The following DOCK2 variants were observed in gnomAD, a reference collection of about 807,000 sequenced individuals.
DOCK2 encodes the protein dedicator of cytokinesis 2.
DOCK2 carries 87 observed loss-of-function variants against 248.9 expected under a neutral mutation model. The observed-to-expected ratio is 0.35, with a 90% CI of 0.29 to 0.42. DOCK2 has a LOEUF of 0.42. Among genes scored for constraint, DOCK2 ranks in the 10% least tolerant of loss-of-function variants. The pLI, the probability that DOCK2 is intolerant of heterozygous loss-of-function variation, is 1.00. For synonymous variants in DOCK2, 805 were observed against 821.6 expected (o/e 0.98, Z 0.35); for missense variants, 1,747 against 2,300.2 (o/e 0.76, Z 4.92).
At chr5:170,022,669 G>A (rs556660087) in intron 33 of DOCK2, among the ~76,000 whole-genome samples, 9 of 152,202 alleles carry the variant, frequency 5.9e-5, no homozygotes, top group African/African-American at 9.6e-5. Context: ...AGAATGAAAC[G>A]TATCCTATCC....
intron 27 of DOCK2, among the ~76,000 whole-genome samples, chr5:169,950,654 A>G (rs541575375): frequency 2.0e-5 from 3 of 152,154 alleles, no homozygotes; most frequent in Non-Finnish European, 4.4e-5. Context: ...CTTTTCCCCT[A>G]TGAAGTATTT....
chr5:169,878,920 A>T (rs1772476937), intron 27 of DOCK2, among the ~76,000 whole-genome samples: 1 of 152,180 alleles, frequency 6.6e-6, no homozygotes, highest in Non-Finnish European at 1.5e-5. Flanking sequence ...CCATGGATAG[A>T]ATCTCTAGGC....
At chr5:169,861,665 A>G (rs1399880658) in intron 27 of DOCK2, among the ~76,000 whole-genome samples, 3 of 152,242 alleles carry the variant, frequency 2.0e-5, no homozygotes, top group Non-Finnish European at 2.9e-5. Flanking sequence ...TGATTTTCAC[A>G]TGAATAAGTG....
chr5:169,717,247 A>G, intron 20 of DOCK2, 137 bp from the exon 21 acceptor site: 1 of 658,422 alleles, frequency 1.5e-6, no homozygotes, highest in Non-Finnish European at 2.7e-6. Flanking sequence ...ATGCTACCTT[A>G]ATAAAGAGAA....
At chr5:170,051,694 C>T (rs1756922577) in intron 41 of DOCK2, among the ~76,000 whole-genome samples, 1 of 152,186 alleles carries the variant, frequency 6.6e-6, no homozygotes, top group Non-Finnish European at 1.5e-5. Context: ...AAGATGCTTG[C>T]CCTGGCTTGC....
At chr5:169,935,040 T>G (rs138398963) in intron 27 of DOCK2, among the ~76,000 whole-genome samples, 5 of 152,174 alleles carry the variant, frequency 3.3e-5, no homozygotes, top group Non-Finnish European at 5.9e-5. Flanking sequence ...GCGGGAAAAT[T>G]AATAGAAAGA....
intron 27 of DOCK2, among the ~76,000 whole-genome samples, chr5:169,941,439 A>T (rs1776242502): frequency 6.6e-6 from 1 of 152,082 alleles, no homozygotes; most frequent in Non-Finnish European, 1.5e-5. Flanking sequence ...CTGAAGGCAG[A>T]GGGCAGGTGG....
intron 6 of DOCK2, among the ~76,000 whole-genome samples, chr5:169,678,709 A>C (rs1044350337): frequency 2.6e-5 from 4 of 152,190 alleles, no homozygotes; most frequent in Admixed American, 2.0e-4. Context: ...CCAGAGTTCA[A>C]GTGCTTGACT....
At chr5:170,060,991 T>C (rs954506483) in intron 44 of DOCK2, among the ~76,000 whole-genome samples, 1 of 151,900 alleles carries the variant, frequency 6.6e-6, no homozygotes, top group Non-Finnish European at 1.5e-5. Context: ...TATCATGCCA[T>C]TGCACTCCAG....
intron 26 of DOCK2, among the ~76,000 whole-genome samples, chr5:169,838,694 G>C (rs1769750552): frequency 6.6e-6 from 1 of 152,168 alleles, no homozygotes; most frequent in East Asian, 1.9e-4. Flanking sequence ...ACTGAAGTCT[G>C]GCTGCGCTTG....
intron 6 of DOCK2, among the ~76,000 whole-genome samples, chr5:169,675,486 C>T (rs1027448861): frequency 6.6e-6 from 1 of 152,140 alleles, no homozygotes; most frequent in Non-Finnish European, 1.5e-5. Flanking sequence ...AGGAGTAAGC[C>T]ACAAGTAAAC....
intron 20 of DOCK2, 23 bp from the exon 21 acceptor site, chr5:169,717,361 C>T: frequency 3.1e-6 from 5 of 1,606,342 alleles, no homozygotes; most frequent in Non-Finnish European, 4.3e-6. Flanking sequence ...CCTGAAAATA[C>T]TGCTGCCTTG....
At chr5:169,909,680 A>C (rs1285673646) in intron 27 of DOCK2, among the ~76,000 whole-genome samples, 1 of 152,232 alleles carries the variant, frequency 6.6e-6, no homozygotes, top group African/African-American at 2.4e-5. Context: ...CCTATAATAC[A>C]TCTACTTTAC....
chr5:169,653,758 G>C (rs373953098), intron 1 of DOCK2, among the ~76,000 whole-genome samples: 1 of 152,240 alleles, frequency 6.6e-6, no homozygotes, highest in African/African-American at 2.4e-5. Flanking sequence ...AGGTGGACCT[G>C]TCAGCTTCTC....
chr5:169,693,762 T>C (rs1196391408), intron 9 of DOCK2, among the ~76,000 whole-genome samples: 1 of 152,058 alleles, frequency 6.6e-6, no homozygotes, highest in African/African-American at 2.4e-5. Context: ...ACAGAACCCA[T>C]GGAATATAAG....
chr5:169,707,806 C>G (rs1389338362), intron 14 of DOCK2, among the ~76,000 whole-genome samples: 1 of 152,210 alleles, frequency 6.6e-6, no homozygotes, highest in Non-Finnish European at 1.5e-5. Context: ...TGTTAGTAAA[C>G]TTTCTGCACA....
At chr5:169,659,328 C>T (rs1018900481) in intron 2 of DOCK2, among the ~76,000 whole-genome samples, 11 of 152,116 alleles carry the variant, frequency 7.2e-5, no homozygotes, top group Non-Finnish European at 1.6e-4. Flanking sequence ...TCCTGAGCTT[C>T]TTATGGGGAT....
chr5:169,976,424 C>T (rs978515199), intron 27 of DOCK2, among the ~76,000 whole-genome samples: 1 of 152,194 alleles, frequency 6.6e-6, no homozygotes, highest in African/African-American at 2.4e-5. Flanking sequence ...GATTCAGTAA[C>T]TGCTGTGCCT....
chr5:170,041,016 C>T, intron 36 of DOCK2, 39 bp from the exon 37 acceptor site: 2 of 1,580,558 alleles, frequency 1.3e-6, no homozygotes, highest in East Asian at 2.2e-5. Context: ...CTCCTTTTCA[C>T]TGCACCTGGT....
Sources: gnomAD v4.1 joint callset for allele counts (sites outside exome capture counted in the v4.1 genomes callset) on GRCh38, gnomAD v4.1.1 for gene constraint, MANE v1.5 for transcripts, NCBI Gene and HGNC (gene_info 2026-07-23, HGNC 2026-07-21) for gene names.